ROBO2: variants seen among roughly 807,000 people sequenced by gnomAD.
The protein encoded by ROBO2 is roundabout homolog 2.
A neutral mutation model predicts 160.8 loss-of-function variants in ROBO2; 53 were observed. The observed-to-expected ratio is 0.33, with a 90% CI of 0.26 to 0.41. The LOEUF (loss-of-function observed/expected upper bound fraction) is 0.41. ROBO2 is among the 10% of genes least tolerant of loss of function. ROBO2 has a pLI of 1.00. For synonymous variants in ROBO2, 664 were observed against 611.7 expected (o/e 1.09, Z -1.26); for missense variants, 1,577 against 1,722.4 (o/e 0.92, Z 1.49).
rs575685591 is a variant in ROBO2 at position 76,375,808 on chromosome 3, G to A, written c.109+438206G>A. 1.1e-4 allele frequency among the ~76,000 whole-genome samples: 16 copies of A among 152,096 alleles called. 1 individual carries two copies. The highest frequency in any genetic ancestry group is 1.0e-3 in the South Asian group (5 of 4,826). The stretch of plus-strand genomic sequence containing the variant: ...AAAGCATAAGTCATATTGTTTTGGG[G>A]GAAGATAAGAGTAGAGTTAGGTAAA... On this transcript the variant is annotated intron_variant, in intron 2 of 26. Coordinates refer to the ROBO2 transcript ENST00000487694.
chr3:77,237,411 T>TTGTGTGTGTATGTGTGTGTG (rs1553862750), intron 2 of ROBO2, among the ~76,000 whole-genome samples: 46 of 131,120 alleles, frequency 3.5e-4, no homozygotes, highest in African/African-American at 1.2e-3. Flanking sequence ...TTGTTTTGTT[T>TTGTGTGTGTATGTGTGTGTG]TGTGTGTGTG....
At chr3:76,434,078 G>A in intron 2 of ROBO2, 2 of 1,306,556 alleles carry the variant, frequency 1.5e-6, no homozygotes, top group Non-Finnish European at 2.2e-6. Flanking sequence ...CCTGGAGGCA[G>A]TATCCCATAC....
At chr3:77,522,707 A>G in intron 5 of ROBO2, 68 bp from the exon 6 acceptor site, 3 of 1,504,160 alleles carry the variant, frequency 2.0e-6, no homozygotes, top group African/African-American at 1.4e-5. Flanking sequence ...AAAAATGAAG[A>G]TGAATACTTA....
chr3:76,875,233 C>G (rs1430623514), intron 2 of ROBO2, among the ~76,000 whole-genome samples: 1 of 152,166 alleles, frequency 6.6e-6, no homozygotes, highest in East Asian at 1.9e-4. Context: ...GCAACACTCA[C>G]CAGAAAACCA....
intron 2 of ROBO2, among the ~76,000 whole-genome samples, chr3:75,948,099 A>T (rs368318971): frequency 6.6e-6 from 1 of 152,186 alleles, no homozygotes; most frequent in East Asian, 1.9e-4. Flanking sequence ...AGCCTTGGCA[A>T]GGGCAGATTT....
intron 2 of ROBO2, among the ~76,000 whole-genome samples, chr3:77,023,863 A>T (rs2062791266): frequency 6.6e-6 from 1 of 152,204 alleles, no homozygotes; most frequent in African/African-American, 2.4e-5. Flanking sequence ...TTCTGATTAT[A>T]ATTAAATCAC....
intron 22 of ROBO2, among the ~76,000 whole-genome samples, chr3:77,618,595 C>T (rs912621996): frequency 6.6e-6 from 1 of 151,970 alleles, no homozygotes; most frequent in Non-Finnish European, 1.5e-5. Flanking sequence ...TGCTTGAAGT[C>T]TGAGTAAATT....
chr3:77,189,172 A>C (rs1418907216), intron 2 of ROBO2, among the ~76,000 whole-genome samples: 2 of 151,842 alleles, frequency 1.3e-5, no homozygotes, highest in Admixed American at 1.3e-4. Context: ...ATTTCTGAGA[A>C]TTTTATACTT....
intron 2 of ROBO2, among the ~76,000 whole-genome samples, chr3:77,429,934 G>A (rs575760986): frequency 6.6e-6 from 1 of 152,178 alleles, no homozygotes; most frequent in Non-Finnish European, 1.5e-5. Context: ...GAGCCTAAGA[G>A]TGGGAGCCCC....
intron 2 of ROBO2, among the ~76,000 whole-genome samples, chr3:76,416,833 T>A (rs966939654): frequency 6.6e-6 from 1 of 152,180 alleles, no homozygotes; most frequent in Non-Finnish European, 1.5e-5. Flanking sequence ...GAATCTCTTC[T>A]TCGTGATAAT....
At chr3:76,550,146 A>G (rs1408830797) in intron 2 of ROBO2, among the ~76,000 whole-genome samples, 5 of 152,186 alleles carry the variant, frequency 3.3e-5, no homozygotes, top group African/African-American at 1.2e-4. Flanking sequence ...AGTAATTGAC[A>G]GATGCTTATC....
At chr3:77,454,813 G>C (rs2081455782) in intron 2 of ROBO2, among the ~76,000 whole-genome samples, 1 of 152,018 alleles carries the variant, frequency 6.6e-6, no homozygotes, top group Admixed American at 6.6e-5. Context: ...CCATTCATTT[G>C]TGGTAGAGGT....
chr3:76,493,551 T>C (rs2079969598), intron 2 of ROBO2, among the ~76,000 whole-genome samples: 1 of 151,870 alleles, frequency 6.6e-6, no homozygotes, highest in Admixed American at 6.6e-5. Flanking sequence ...TATTAAAACA[T>C]ATTATTTTTT....
At chr3:77,597,246 A>G (rs193059810) in intron 19 of ROBO2, among the ~76,000 whole-genome samples, 1 of 152,112 alleles carries the variant, frequency 6.6e-6, no homozygotes, top group African/African-American at 2.4e-5. Context: ...TCAATATAAC[A>G]TGTTGAGAGA....
intron 2 of ROBO2, among the ~76,000 whole-genome samples, chr3:76,967,775 C>A (rs988805252): frequency 6.6e-6 from 1 of 152,002 alleles, no homozygotes; most frequent in Non-Finnish European, 1.5e-5. Flanking sequence ...GCACTCCTGG[C>A]CTCAAGTGAT....
chr3:77,459,034 A>G (rs1355835744), intron 2 of ROBO2, among the ~76,000 whole-genome samples: 2 of 152,166 alleles, frequency 1.3e-5, no homozygotes, highest in Non-Finnish European at 2.9e-5. Flanking sequence ...CATTTAGTAG[A>G]CACTGTTTTA....
chr3:77,140,359 C>T (rs1299291598), intron 2 of ROBO2, among the ~76,000 whole-genome samples: 1 of 152,082 alleles, frequency 6.6e-6, no homozygotes, highest in Middle Eastern at 3.2e-3. Context: ...AATACAGACA[C>T]TCAATTCAGT....
chr3:76,620,485 C>T (rs1224918414), intron 2 of ROBO2, among the ~76,000 whole-genome samples: 1 of 152,102 alleles, frequency 6.6e-6, no homozygotes, highest in Admixed American at 6.5e-5. Flanking sequence ...TTAGTAGTTG[C>T]TGTATTTTAC....
intron 2 of ROBO2, among the ~76,000 whole-genome samples, chr3:76,005,684 T>A (rs1220481884): frequency 3.9e-5 from 6 of 152,164 alleles, no homozygotes; most frequent in Non-Finnish European, 8.8e-5. Flanking sequence ...GGCTAATAAG[T>A]GTTTCCAGAG....
Sources: gnomAD v4.1 joint callset for allele counts (sites outside exome capture counted in the v4.1 genomes callset) on GRCh38, gnomAD v4.1.1 for gene constraint, MANE v1.5 for transcripts, NCBI Gene and HGNC (gene_info 2026-07-23, HGNC 2026-07-21) for gene names.